The following CCDC60 variants were observed in gnomAD, a reference collection of about 807,000 sequenced individuals.
CCDC60 encodes the protein coiled-coil domain containing 60.
In CCDC60, 54 loss-of-function variants were observed where a neutral mutation model predicts 63.5. The ratio of observed to expected loss-of-function variants is 0.85; its 90% CI spans 0.68 to 1.07. CCDC60 has a LOEUF of 1.07. Ranked by LOEUF, CCDC60 falls within the 50% of genes least tolerant of loss-of-function variation. The probability of loss-of-function intolerance (pLI) is 0.00; values close to 1 mark genes in which losing one functional copy is unlikely to be tolerated. For synonymous variants in CCDC60, 206 were observed against 238.8 expected (o/e 0.86, Z 1.27); for missense variants, 651 against 684.3 (o/e 0.95, Z 0.54).
chr12:119,516,662 G>A lies in CCDC60; in HGVS notation c.923G>A (p.Arg308Gln), dbSNP rs1350115189. Residue 308 changes from arginine (R) to glutamine (Q), a missense_variant, in exon 8 of 14, where the codon CGG becomes CAG. Arg to Gln is a conservative substitution (Grantham distance 43). Coordinates refer to ENST00000327554, the MANE Select transcript of CCDC60 (RefSeq NM_178499.5). ...CTGGAGATGGTTCGGGAAGATGCCC[G>A]GAGGACAGTCACAATAGAAAATGGG... ...KLLEMVREDARRTVTIENGMQ... is the reference protein window; with the variant it reads ...KLLEMVREDAQRTVTIENGMQ... 1.2e-5 allele frequency: 19 copies of A among 1,613,738 alleles called. No individual in the cohort carries two copies. Among genetic ancestry groups the A allele is most frequent in the African/African-American group, 5.3e-5 (4 of 74,882 alleles).
intron 3 of CCDC60, among the ~76,000 whole-genome samples, chr12:119,472,466 T>C (rs1405932061): frequency 6.6e-6 from 1 of 152,048 alleles, no homozygotes; most frequent in Non-Finnish European, 1.5e-5. Context: ...CCATAATACG[T>C]GTTTATATGC....
intron 1 of CCDC60, among the ~76,000 whole-genome samples, chr12:119,381,118 T>C (rs1197493762): frequency 6.6e-6 from 1 of 152,222 alleles, no homozygotes; most frequent in Non-Finnish European, 1.5e-5. Flanking sequence ...GGTAAGGCAC[T>C]TCTGTTACGG....
chr12:119,446,504 T>C (rs1950544077), intron 2 of CCDC60, among the ~76,000 whole-genome samples: 1 of 152,140 alleles, frequency 6.6e-6, no homozygotes, highest in South Asian at 2.1e-4. Context: ...AACAGCCCTT[T>C]ATTGGTAGCT....
At chr12:119,367,084 C>T (rs755590472) in intron 1 of CCDC60, among the ~76,000 whole-genome samples, 14 of 152,276 alleles carry the variant, frequency 9.2e-5, no homozygotes, top group Middle Eastern at 6.8e-3. Context: ...CCACCCACCC[C>T]GGCCTCCCAA....
chr12:119,489,401 C>T (rs1454072721), intron 5 of CCDC60, among the ~76,000 whole-genome samples: 1 of 151,800 alleles, frequency 6.6e-6, no homozygotes, highest in East Asian at 1.9e-4. Flanking sequence ...CCACTTGGAC[C>T]CAAGGGAATA....
chr12:119,433,302 C>G, intron 2 of CCDC60: 2 of 661,140 alleles, frequency 3.0e-6, no homozygotes, highest in Non-Finnish European at 5.5e-6. Flanking sequence ...TGCCACTCTT[C>G]AGTTGGTCAG....
intron 3 of CCDC60, among the ~76,000 whole-genome samples, chr12:119,476,202 A>G (rs553980543): frequency 6.6e-6 from 1 of 152,268 alleles, no homozygotes; most frequent in South Asian, 2.1e-4. Context: ...AGTCTTTCCC[A>G]CTGTGCTCAG....
chr12:119,497,165 A>G (rs1951732115), intron 5 of CCDC60, among the ~76,000 whole-genome samples: 1 of 152,204 alleles, frequency 6.6e-6, no homozygotes, highest in Admixed American at 6.5e-5. Flanking sequence ...GAACAAAGCA[A>G]GTCACAGTGC....
chr12:119,520,263 T>C (rs573590), intron 9 of CCDC60, 71 bp downstream of exon 9: 957,762 of 1,287,746 alleles, frequency 0.74, 358,908 homozygotes, highest in African/African-American at 0.92. Context: ...ACTGCAGGGA[T>C]GCTCCTCCCC....
intron 1 of CCDC60, among the ~76,000 whole-genome samples, chr12:119,397,251 A>G (rs539782224): frequency 9.5e-4 from 144 of 152,278 alleles, no homozygotes; most frequent in African/African-American, 3.3e-3. Flanking sequence ...CAACACTTCC[A>G]TGATCTGAAA....
chr12:119,391,492 T>C (rs920573973), intron 1 of CCDC60, among the ~76,000 whole-genome samples: 2 of 152,250 alleles, frequency 1.3e-5, no homozygotes, highest in African/African-American at 2.4e-5. Flanking sequence ...CTCATAGCCA[T>C]GTGCCTTTGG....
chr12:119,475,457 G>A (rs149792166), intron 3 of CCDC60, among the ~76,000 whole-genome samples: 12 of 152,298 alleles, frequency 7.9e-5, no homozygotes, highest in African/African-American at 2.6e-4. Flanking sequence ...GCATGAGATC[G>A]CTCCTCTTGT....
intron 1 of CCDC60, among the ~76,000 whole-genome samples, chr12:119,367,221 G>A (rs1304784856): frequency 6.6e-6 from 1 of 152,132 alleles, no homozygotes; most frequent in Admixed American, 6.5e-5. Flanking sequence ...ATCCTAAAAA[G>A]TAGGTATGAT....
intron 4 of CCDC60, among the ~76,000 whole-genome samples, chr12:119,483,460 G>A (rs953906898): frequency 2.0e-5 from 3 of 152,226 alleles, no homozygotes; most frequent in Non-Finnish European, 4.4e-5. Flanking sequence ...CTCTAGGAAT[G>A]AGAAGCAGCC....
intron 1 of CCDC60, among the ~76,000 whole-genome samples, chr12:119,407,931 G>A (rs1204601777): frequency 6.6e-6 from 1 of 152,130 alleles, no homozygotes; most frequent in African/African-American, 2.4e-5. Context: ...TTACAACCAA[G>A]TCATGCCCAG....
At chr12:119,378,292 TG>T (rs891370888) in intron 1 of CCDC60, among the ~76,000 whole-genome samples, 27 of 152,304 alleles carry the variant, frequency 1.8e-4, no homozygotes, top group Admixed American at 1.4e-3. Flanking sequence ...CTTTTCCTAT[TG>T]ACACAGCTGC....
chr12:119,461,558 T>C (rs931175354), intron 2 of CCDC60, among the ~76,000 whole-genome samples: 7 of 152,160 alleles, frequency 4.6e-5, no homozygotes, highest in African/African-American at 1.7e-4. Flanking sequence ...ACAGAGAACA[T>C]ACGTTCCTTA....
intron 2 of CCDC60, among the ~76,000 whole-genome samples, chr12:119,455,803 C>CAGA (rs113782975): frequency 0.15 from 18,375 of 122,206 alleles, 1,345 homozygotes; most frequent in East Asian, 0.31. Flanking sequence ...AGAAGAAAAA[C>CAGA]AGAAGAAGAA....
At chr12:119,362,517 A>G (rs1170300517) in intron 1 of CCDC60, among the ~76,000 whole-genome samples, 1 of 152,182 alleles carries the variant, frequency 6.6e-6, no homozygotes, top group Non-Finnish European at 1.5e-5. Flanking sequence ...ATCATAGGGT[A>G]TATATTCTCT....
Sources: allele counts gnomAD v4.1 joint callset (sites outside exome capture counted in the v4.1 genomes callset), GRCh38; gene constraint gnomAD v4.1.1; transcripts MANE v1.5; gene names NCBI Gene and HGNC (gene_info 2026-07-23, HGNC 2026-07-21).